LMO7: variants seen among roughly 807,000 people sequenced by gnomAD.
The protein encoded by LMO7 is LIM domain 7.
In LMO7, 120 loss-of-function variants were observed where a neutral mutation model predicts 206.5. That is an observed-to-expected ratio of 0.58 (90% confidence interval 0.50 to 0.68). LMO7 has a LOEUF of 0.68. Ranked by LOEUF, LMO7 falls within the 30% of genes least tolerant of loss-of-function variation. The pLI, the probability that LMO7 is intolerant of heterozygous loss-of-function variation, is 0.00. For missense variants in LMO7, 1,959 were observed against 1,957.9 expected (o/e 1.00, Z -0.01); for synonymous variants, 706 against 681.5 (o/e 1.04, Z -0.56).
chr13:75,646,243 A>G (rs929957807), intron 1 of LMO7, among the ~76,000 whole-genome samples: 5 of 152,196 alleles, frequency 3.3e-5, no homozygotes, highest in African/African-American at 1.2e-4. Context: ...AACAGGCTAT[A>G]TCTTCAAATG....
chr13:75,769,239 T>G (rs937360197), intron 4 of LMO7, among the ~76,000 whole-genome samples: 2 of 152,084 alleles, frequency 1.3e-5, no homozygotes, highest in African/African-American at 4.8e-5. Context: ...TTAGGGGTAA[T>G]TGCCCTGGTA....
chr13:75,659,526 A>G (rs2038374423), intron 1 of LMO7, among the ~76,000 whole-genome samples: 2 of 152,178 alleles, frequency 1.3e-5, no homozygotes, highest in South Asian at 4.1e-4. Context: ...GGCAAGAGAA[A>G]ATGAGGAAGA....
intron 1 of LMO7, among the ~76,000 whole-genome samples, chr13:75,660,489 C>T (rs73225914): frequency 0.019 from 2,958 of 152,178 alleles, 40 homozygotes; most frequent in Non-Finnish European, 0.032. Flanking sequence ...TTAAATCCTC[C>T]TTCTTGTTTC....
intron 29 of LMO7, among the ~76,000 whole-genome samples, 182 bp downstream of exon 29, chr13:75,855,550 T>C (rs1231633210): frequency 6.6e-6 from 1 of 152,242 alleles, no homozygotes; most frequent in Non-Finnish European, 1.5e-5. Flanking sequence ...AACCTTGTTT[T>C]AAAACTTAAA....
rs182931171 is a variant in LMO7 at position 75,644,828 on chromosome 13, C to T, written c.69+8102C>T. ...AAATTTTGTTGTAGGGACAAGGTCT[C>T]GCTTTGTTTCCTAAGCTGGCCTTGA... is the stretch of plus-strand genomic sequence containing the variant. On this transcript the variant is annotated intron_variant, in intron 1 of 30. Coordinates refer to ENST00000377534, the MANE Select transcript of LMO7 (RefSeq NM_001306080.2). Among the ~76,000 whole-genome samples the T allele has an allele frequency of 8.5e-5, 13 of 152,216 alleles. No individual in the cohort carries two copies. In the East Asian group the frequency reaches 1.7e-3, roughly 20 times the overall value.
At chr13:75,787,498 AT>A (rs1221346761) in intron 4 of LMO7, among the ~76,000 whole-genome samples, 1 of 152,200 alleles carries the variant, frequency 6.6e-6, no homozygotes, top group African/African-American at 2.4e-5. Flanking sequence ...ATAACAAATT[AT>A]TTTTAACAAG....
intron 1 of LMO7, among the ~76,000 whole-genome samples, chr13:75,706,711 G>A (rs1339760013): frequency 6.6e-6 from 1 of 152,076 alleles, no homozygotes; most frequent in Non-Finnish European, 1.5e-5. Flanking sequence ...ACCCTTAACA[G>A]AGGAGGATTA....
At chr13:75,696,354 CAAAA>C (rs529103967) in intron 1 of LMO7, among the ~76,000 whole-genome samples, 11,734 of 145,122 alleles carry the variant, frequency 0.081, 892 homozygotes, top group African/African-American at 0.2. Context: ...GACTCCATCT[CAAAA>C]AAACAAACAA....
chr13:75,820,976 C>G (rs149059779), intron 13 of LMO7, among the ~76,000 whole-genome samples: 17 of 144,996 alleles, frequency 1.2e-4, no homozygotes, highest in African/African-American at 4.4e-4. Flanking sequence ...CCAGCCTGGA[C>G]GACAGAGCGA....
chr13:75,636,945 C>T (rs1298895279), intron 1 of LMO7, among the ~76,000 whole-genome samples: 2 of 152,204 alleles, frequency 1.3e-5, no homozygotes, highest in African/African-American at 4.8e-5. Context: ...TAACCCCCGC[C>T]CCCCGACGGT....
intron 7 of LMO7, among the ~76,000 whole-genome samples, chr13:75,803,135 C>T (rs563032655): frequency 6.6e-6 from 1 of 152,316 alleles, no homozygotes; most frequent in East Asian, 1.9e-4. Context: ...TTATTGACTA[C>T]TACTCCTCAT....
chr13:75,819,972 A>C (rs1171032980), intron 13 of LMO7, among the ~76,000 whole-genome samples: 2 of 152,218 alleles, frequency 1.3e-5, no homozygotes, highest in African/African-American at 4.8e-5. Context: ...TTTTAAAGAA[A>C]GTTTTTATGA....
At chr13:75,786,684 C>G (rs1238542464) in intron 4 of LMO7, among the ~76,000 whole-genome samples, 1 of 152,136 alleles carries the variant, frequency 6.6e-6, no homozygotes, top group African/African-American at 2.4e-5. Context: ...CGCGCCCGGC[C>G]TCTCTCTACT....
intron 3 of LMO7, among the ~76,000 whole-genome samples, chr13:75,757,537 C>T (rs866170212): frequency 6.6e-6 from 1 of 152,120 alleles, no homozygotes. Flanking sequence ...TGTTCCTGAT[C>T]ATTAAGCTCT....
chr13:75,737,728 G>A (rs1219853702), intron 3 of LMO7, among the ~76,000 whole-genome samples: 1 of 117,556 alleles, frequency 8.5e-6, no homozygotes, highest in African/African-American at 3.4e-5. Context: ...ACTCCAGCCT[G>A]GGCGACAGAG....
chr13:75,706,198 C>T (rs2042636078), intron 1 of LMO7, among the ~76,000 whole-genome samples: 1 of 152,110 alleles, frequency 6.6e-6, no homozygotes, highest in African/African-American at 2.4e-5. Context: ...GGCTTTAAAC[C>T]CAGGCATCCT....
Position 75,684,443 on chromosome 13 carries a change from C to T in LMO7, c.70-28739C>T, listed in dbSNP as rs1054830698. ...TTTTTTCAGTAGAGACGCGGTTTCT[C>T]CACGTTGGTCAGGCTTGTCCTGAAC... On this transcript the variant is annotated intron_variant, in intron 1 of 30. Coordinates refer to ENST00000377534, the MANE Select transcript of LMO7 (RefSeq NM_001306080.2). 4.6e-5 allele frequency among the ~76,000 whole-genome samples: 7 copies of T among 152,068 alleles called. No homozygotes were observed. In the East Asian group the frequency reaches 1.2e-3, roughly 25 times the overall value.
chr13:75,754,854 C>A (rs995894326), intron 3 of LMO7, among the ~76,000 whole-genome samples: 6 of 152,162 alleles, frequency 3.9e-5, no homozygotes, highest in African/African-American at 7.2e-5. Context: ...TGAGAATATT[C>A]ATATTGGCCT....
At chr13:75,710,411 T>C (rs2043002829) in intron 1 of LMO7, among the ~76,000 whole-genome samples, 1 of 152,240 alleles carries the variant, frequency 6.6e-6, no homozygotes, top group Non-Finnish European at 1.5e-5. Flanking sequence ...TTTCATGATA[T>C]TGATTCTTCT....
Sources: gnomAD v4.1 joint callset for allele counts (sites outside exome capture counted in the v4.1 genomes callset) on GRCh38, gnomAD v4.1.1 for gene constraint, MANE v1.5 for transcripts, NCBI Gene and HGNC (gene_info 2026-07-23, HGNC 2026-07-21) for gene names.